IGF1R: variants seen among roughly 807,000 people sequenced by gnomAD.
The protein encoded by IGF1R is insulin like growth factor 1 receptor.
IGF1R carries 44 observed loss-of-function variants against 144.6 expected under a neutral mutation model. The ratio of observed to expected loss-of-function variants is 0.30; its 90% CI spans 0.24 to 0.39. The LOEUF is 0.39. IGF1R is among the 10% of genes least tolerant of loss of function. IGF1R has a pLI of 1.00. For missense variants in IGF1R, 1,355 were observed against 1,833.7 expected, an observed-to-expected ratio of 0.74 and a Z score of 4.77; for synonymous variants, 795 against 722.8, an observed-to-expected ratio of 1.10 and a Z score of -1.60.
chr15:98,928,684 G>C lies in IGF1R; in HGVS notation c.2783-874G>C, dbSNP rs747349685. On this transcript the variant is annotated intron_variant, in intron 13 of 20. Transcript: ENST00000650285. ...TCTCCTCTCCCTTCCTCTCTGAATT[G>C]TTGCCATATGTGAAGTCCACTTTTC... 2.6e-4 allele frequency among the ~76,000 whole-genome samples: 39 copies of C among 152,104 alleles called. 1 individual carries two copies. The highest frequency in any genetic ancestry group is 2.9e-5 in the Non-Finnish European group (2 of 68,024).
chr15:98,771,190 G>A (rs896872069), intron 2 of IGF1R, among the ~76,000 whole-genome samples: 1 of 152,118 alleles, frequency 6.6e-6, no homozygotes, highest in African/African-American at 2.4e-5. Context: ...CTCCATCCAA[G>A]CACCCACGTG....
chr15:98,838,497 T>C (rs2011124709), intron 2 of IGF1R, among the ~76,000 whole-genome samples: 1 of 152,214 alleles, frequency 6.6e-6, no homozygotes, highest in Admixed American at 6.5e-5. Flanking sequence ...GAACCTGTTA[T>C]TGAGAAGGTA....
intron 2 of IGF1R, among the ~76,000 whole-genome samples, chr15:98,763,031 C>G (rs1470924198): frequency 7.6e-6 from 1 of 130,822 alleles, no homozygotes; most frequent in East Asian, 2.3e-4. Flanking sequence ...GGCGACAGAG[C>G]TAGGTTCCAT....
chr15:98,908,579 T>C (rs2014843990), intron 5 of IGF1R, 106 bp from the exon 6 acceptor site: 9 of 767,166 alleles, frequency 1.2e-5, no homozygotes, highest in Admixed American at 4.0e-5. Context: ...GCAAAGGAAA[T>C]GTATTGTGGA....
chr15:98,757,124 T>G (rs2055175037), intron 2 of IGF1R, among the ~76,000 whole-genome samples: 1 of 152,222 alleles, frequency 6.6e-6, no homozygotes, highest in South Asian at 2.1e-4. Context: ...AATTCATGTA[T>G]GTTTTCAGTT....
intron 2 of IGF1R, among the ~76,000 whole-genome samples, chr15:98,708,449 T>C (rs1227887783): frequency 6.6e-6 from 1 of 152,218 alleles, no homozygotes; most frequent in African/African-American, 2.4e-5. Context: ...AAAGGTGACC[T>C]GGTGTGCTTG....
intron 2 of IGF1R, among the ~76,000 whole-genome samples, chr15:98,843,555 T>C (rs549717335): frequency 6.6e-5 from 10 of 152,268 alleles, no homozygotes; most frequent in African/African-American, 2.4e-4. Flanking sequence ...AAATTGAAAG[T>C]ATTTAAAATA....
At chr15:98,680,063 T>G (rs2053150859) in intron 1 of IGF1R, among the ~76,000 whole-genome samples, 1 of 152,098 alleles carries the variant, frequency 6.6e-6, no homozygotes, top group South Asian at 2.1e-4. Context: ...AAAGTTGTGC[T>G]TAAGCTAAGT....
intron 2 of IGF1R, among the ~76,000 whole-genome samples, chr15:98,740,520 G>A (rs190305407): frequency 6.6e-6 from 1 of 152,338 alleles, no homozygotes; most frequent in African/African-American, 2.4e-5. Flanking sequence ...AGTAAAAGCT[G>A]AAAAGGCTTT....
chr15:98,664,027 G>T (rs2052664492), intron 1 of IGF1R, among the ~76,000 whole-genome samples: 1 of 152,172 alleles, frequency 6.6e-6, no homozygotes, highest in Non-Finnish European at 1.5e-5. Flanking sequence ...CACTGTAACT[G>T]TTTTCACTTG....
At chr15:98,811,880 G>A (rs946431618) in intron 2 of IGF1R, among the ~76,000 whole-genome samples, 7 of 152,272 alleles carry the variant, frequency 4.6e-5, no homozygotes, top group South Asian at 2.1e-4. Flanking sequence ...GAGAGATCGC[G>A]CCACTGCAGT....
At chr15:98,796,760 T>C (rs1206989574) in intron 2 of IGF1R, among the ~76,000 whole-genome samples, 1 of 152,254 alleles carries the variant, frequency 6.6e-6, no homozygotes, top group African/African-American at 2.4e-5. Flanking sequence ...CGGACACGAA[T>C]ATAAGCTTTA....
At chr15:98,686,199 G>C (rs2053324390) in intron 1 of IGF1R, among the ~76,000 whole-genome samples, 1 of 152,234 alleles carries the variant, frequency 6.6e-6, no homozygotes, top group African/African-American at 2.4e-5. Context: ...TCAGGCTGTA[G>C]CATGTGTCCA....
chr15:98,714,075 A>C lies in IGF1R; in HGVS notation c.640+5968A>C, dbSNP rs2054058639. Among the ~76,000 whole-genome samples, 6 of 152,236 alleles carry C rather than the reference A, an allele frequency of 3.9e-5. No homozygotes were observed. In the South Asian group the frequency reaches 1.0e-3, roughly 26 times the overall value. On this transcript the variant is annotated intron_variant, in intron 2 of 20. Coordinates refer to ENST00000650285, the MANE Select transcript of IGF1R (RefSeq NM_000875.5). ...GGAAAATAGCAGATTGGAGCCTTCG[A>C]GAAGGCAGTAAATGGCTGTTTTTAT...
intron 1 of IGF1R, among the ~76,000 whole-genome samples, chr15:98,678,871 T>TG (rs2053115317): frequency 6.6e-6 from 1 of 151,726 alleles, no homozygotes; most frequent in African/African-American, 2.4e-5. Flanking sequence ...AAAAAAGGTC[T>TG]TCCATGGGTG....
Position 98,666,027 on chromosome 15 carries a change from G to A in IGF1R, c.94+16352G>A, listed in dbSNP as rs189828927. On this transcript the variant is annotated intron_variant, in intron 1 of 20. Transcript: ENST00000650285. ...AATGCTAGTAGGTAAGGATACTACT[G>A]TTTGCTTTCTGTGATGAGAGGTCTC... 1.4e-3 allele frequency among the ~76,000 whole-genome samples: 216 copies of A among 152,310 alleles called. 1 individual carries two copies. Among genetic ancestry groups the A allele is most frequent in the African/African-American group, 4.9e-3 (203 of 41,570 alleles).
chr15:98,920,165 G>A (rs747505586), intron 10 of IGF1R, among the ~76,000 whole-genome samples: 2 of 152,204 alleles, frequency 1.3e-5, no homozygotes, highest in Non-Finnish European at 2.9e-5. Context: ...TTATGGGATG[G>A]AGTGGGGAAA....
rs1260220579 is a variant in IGF1R, at chr15:98,649,394, C to A, written c.-188C>A. On this transcript the variant is annotated 5_prime_UTR_variant, in exon 1 of 21. Coordinates refer to ENST00000650285, the MANE Select transcript of IGF1R (RefSeq NM_000875.5). ...AGGGGCCGCCCCGCGCCGCCCGCCC[C>A]GTCCGCGCACCCGGAGGGCCCCGGC... 8.9e-6 allele frequency: 3 copies of A among 338,660 alleles called. No individual in the cohort carries two copies. The highest frequency in any genetic ancestry group is 2.2e-5 in the African/African-American group (1 of 46,420). The allele number at this position is 338,660 out of a possible 1,614,324, so 21.0% of individuals were successfully genotyped here.
At chr15:98,684,333 AC>A (rs1306943557) in intron 1 of IGF1R, among the ~76,000 whole-genome samples, 5 of 140,538 alleles carry the variant, frequency 3.6e-5, no homozygotes, top group African/African-American at 1.4e-4. Flanking sequence ...ATAATATGCC[AC>A]CTACTCTGGT....
Sources: gnomAD v4.1 joint callset for allele counts (sites outside exome capture counted in the v4.1 genomes callset) on GRCh38, gnomAD v4.1.1 for gene constraint, MANE v1.5 for transcripts, NCBI Gene and HGNC (gene_info 2026-07-23, HGNC 2026-07-21) for gene names.